The following IGSF23 variants were observed in gnomAD, a reference collection of about 807,000 sequenced individuals.
IGSF23 encodes the protein immunoglobulin superfamily, member 23.
A neutral mutation model predicts 17.8 loss-of-function variants in IGSF23; 14 were observed. The ratio of observed to expected loss-of-function variants is 0.79; its 90% CI spans 0.52 to 1.23. IGSF23 has a LOEUF of 1.23. Among genes scored for constraint, IGSF23 ranks in the 50% most tolerant of loss-of-function variants. The pLI is 0.00. For synonymous variants in IGSF23, 85 were observed against 92.5 expected (o/e 0.92, Z 0.46); for missense variants, 214 against 241.7 (o/e 0.89, Z 0.76).
intron 1 of IGSF23, among the ~76,000 whole-genome samples, chr19:44,615,542 G>A (rs1244251646): frequency 4.0e-5 from 6 of 151,578 alleles, no homozygotes; most frequent in Non-Finnish European, 5.9e-5. Flanking sequence ...AGAATTGCTT[G>A]AACCCAGGAG....
intron 3 of IGSF23, among the ~76,000 whole-genome samples, chr19:44,634,539 T>A (rs554963492): frequency 6.6e-6 from 1 of 152,342 alleles, no homozygotes; most frequent in African/African-American, 2.4e-5. Context: ...GCTGGATTCC[T>A]GCCTGAATAG....
intron 1 of IGSF23, among the ~76,000 whole-genome samples, chr19:44,618,419 G>T (rs1446689678): frequency 6.6e-6 from 1 of 152,166 alleles, no homozygotes; most frequent in East Asian, 1.9e-4. Flanking sequence ...TGTCAAGAGT[G>T]AGTGGGGCCC....
intron 2 of IGSF23, 142 bp from the exon 3 acceptor site, chr19:44,627,278 G>T: frequency 1.3e-6 from 1 of 785,640 alleles, no homozygotes; most frequent in Non-Finnish European, 1.9e-6. Context: ...GGAGAGCAGG[G>T]AGGAGAGGGG....
At chr19:44,626,844 C>A (rs1015906639) in intron 2 of IGSF23, among the ~76,000 whole-genome samples, 19 of 151,850 alleles carry the variant, frequency 1.3e-4, no homozygotes, top group African/African-American at 4.6e-4. Context: ...ATTACTGGAA[C>A]CCAGGAGGTG....
chr19:44,636,733 T>C lies in IGSF23; in HGVS notation c.*346T>C, dbSNP rs1014302869. ...ATATGTCTTTTACACATGCTGCTTT[T>C]TTTTTCTCTTTTTCAAAAAGAACCA... On this transcript the variant is annotated 3_prime_UTR_variant, in exon 5 of 5. Coordinates refer to ENST00000402988, the MANE Select transcript of IGSF23 (RefSeq NM_001205280.2). 1 of 152,176 alleles carries C rather than the reference T, an allele frequency of 6.6e-6. No homozygotes were observed. Among genetic ancestry groups the C allele is most frequent in the Non-Finnish European group, 1.5e-5 (1 of 68,040 alleles). The allele number at this position is 152,176 out of a possible 1,614,324, so 9.4% of individuals were successfully genotyped here.
intron 1 of IGSF23, among the ~76,000 whole-genome samples, chr19:44,615,162 G>A (rs527583457): frequency 1.9e-3 from 296 of 152,128 alleles, no homozygotes; most frequent in African/African-American, 6.7e-3. Context: ...GGTGGCGGGC[G>A]CCTGTAGTCC....
At chr19:44,629,234 T>C (rs1972716534) in intron 3 of IGSF23, among the ~76,000 whole-genome samples, 1 of 152,158 alleles carries the variant, frequency 6.6e-6, no homozygotes, top group African/African-American at 2.4e-5. Flanking sequence ...TCCTATATGT[T>C]GGCTAGTACT....
At chr19:44,623,499 G>A (rs894619992) in intron 1 of IGSF23, among the ~76,000 whole-genome samples, 5 of 152,362 alleles carry the variant, frequency 3.3e-5, no homozygotes, top group Non-Finnish European at 7.3e-5. Context: ...GCAACGGGAT[G>A]CAGGTGCTGG....
At chr19:44,621,282 CAAAA>C (rs34896514) in intron 1 of IGSF23, among the ~76,000 whole-genome samples, 24 of 123,144 alleles carry the variant, frequency 1.9e-4, no homozygotes, top group African/African-American at 2.5e-4. Context: ...GACCCTGTCT[CAAAA>C]AAAAAAAAAA....
intron 3 of IGSF23, among the ~76,000 whole-genome samples, chr19:44,633,612 T>C (rs1169406212): frequency 6.6e-6 from 1 of 152,188 alleles, no homozygotes; most frequent in Non-Finnish European, 1.5e-5. Context: ...TTCAGGGGCT[T>C]TACCAACTCC....
At chr19:44,628,273 C>T (rs780162378) in intron 3 of IGSF23, among the ~76,000 whole-genome samples, 1 of 152,106 alleles carries the variant, frequency 6.6e-6, no homozygotes, top group Admixed American at 6.5e-5. Context: ...AAACTTAAAG[C>T]AGTGCCTGGA....
intron 1 of IGSF23, among the ~76,000 whole-genome samples, chr19:44,621,723 A>T (rs945510445): frequency 6.6e-6 from 1 of 152,196 alleles, no homozygotes; most frequent in African/African-American, 2.4e-5. Context: ...TTTTCACATC[A>T]TGTCCAGTAT....
intron 3 of IGSF23, among the ~76,000 whole-genome samples, chr19:44,633,907 AG>A (rs1219366531): frequency 6.6e-6 from 1 of 152,166 alleles, no homozygotes; most frequent in African/African-American, 2.4e-5. Context: ...TCTGCTTTCC[AG>A]GGAACAGAAG....
chr19:44,624,021 C>T lies in IGSF23; in HGVS notation c.391+49C>T, dbSNP rs531260204. ...CCCACCCCACCCAAGAGCCCTGCACCCTCTCCAGCCTGTGGCAGCCTCTAT... is the reference window on the plus strand; with the variant it reads ...CCCACCCCACCCAAGAGCCCTGCACTCTCTCCAGCCTGTGGCAGCCTCTAT... On this transcript the variant is annotated intron_variant, in intron 2 of 4. Coordinates refer to ENST00000402988, the MANE Select transcript of IGSF23 (RefSeq NM_001205280.2). The T allele has an allele frequency of 6.1e-5, 90 of 1,482,176 alleles. No individual in the cohort carries two copies. In the South Asian group the frequency reaches 1.0e-3, roughly 17 times the overall value. The allele number at this position is 1,482,176 out of a possible 1,614,324, so 91.8% of individuals were successfully genotyped here.
At chr19:44,627,619 C>A in intron 3 of IGSF23, 46 bp downstream of exon 3, 1 of 1,515,060 alleles carries the variant, frequency 6.6e-7, no homozygotes, top group Non-Finnish European at 8.9e-7. Flanking sequence ...ATCCACTCAG[C>A]CCCCATGGGG....
At chr19:44,635,670 C>T (rs1430652662) in intron 4 of IGSF23, among the ~76,000 whole-genome samples, 1 of 152,188 alleles carries the variant, frequency 6.6e-6, no homozygotes, top group Non-Finnish European at 1.5e-5. Flanking sequence ...CATCAAATTC[C>T]TGGAAGCTGC....
chr19:44,632,013 C>T (rs1197626902), intron 3 of IGSF23, among the ~76,000 whole-genome samples: 3 of 152,218 alleles, frequency 2.0e-5, no homozygotes, highest in African/African-American at 7.2e-5. Flanking sequence ...TTAAGCTAAA[C>T]ATCCCTTTAG....
Position 44,615,036 on chromosome 19 carries a change from T to C in IGSF23, c.125+1266T>C, listed in dbSNP as rs186814590. 6.6e-3 allele frequency among the ~76,000 whole-genome samples: 1,000 copies of C among 152,208 alleles called. 9 individuals carry two copies. The highest frequency in any genetic ancestry group is 0.021 in the African/African-American group (888 of 41,548). ...TGGGCGCGGTGACTCACACCTGTAA[T>C]CCCAGCACTTTGGGAGGCCGAGGCA... On this transcript the variant is annotated intron_variant, in intron 1 of 4. Coordinates refer to ENST00000402988, the MANE Select transcript of IGSF23 (RefSeq NM_001205280.2).
At chr19:44,633,931 T>C (rs750671054) in intron 3 of IGSF23, among the ~76,000 whole-genome samples, 6 of 152,232 alleles carry the variant, frequency 3.9e-5, no homozygotes, top group Non-Finnish European at 5.9e-5. Context: ...GATGTAACAA[T>C]TTGAATTTCC....
Sources: allele counts gnomAD v4.1 joint callset (sites outside exome capture counted in the v4.1 genomes callset), GRCh38; gene constraint gnomAD v4.1.1; transcripts MANE v1.5; gene names NCBI Gene and HGNC (gene_info 2026-07-23, HGNC 2026-07-21).